The following DNER variants were observed in gnomAD, a reference collection of about 807,000 sequenced individuals.
DNER encodes the protein delta/notch like EGF repeat containing.
In DNER, 33 loss-of-function variants were observed where a neutral mutation model predicts 78.2. The observed-to-expected ratio is 0.42, with a 90% CI of 0.32 to 0.56. DNER has a LOEUF of 0.56. Among genes scored for constraint, DNER ranks in the 20% least tolerant of loss-of-function variants. DNER has a pLI of 0.11. For synonymous variants in DNER, 417 were observed against 384.8 expected, an observed-to-expected ratio of 1.08 and a Z score of -0.98; for missense variants, 918 against 975.3, an observed-to-expected ratio of 0.94 and a Z score of 0.78.
chr2:229,605,680 A>T (rs916079238), intron 1 of DNER, among the ~76,000 whole-genome samples: 1 of 151,886 alleles, frequency 6.6e-6, no homozygotes, highest in Admixed American at 6.6e-5. Context: ...TAAAGATTAT[A>T]GACACCATAA....
At chr2:229,480,880 A>G (rs1173193065) in intron 6 of DNER, among the ~76,000 whole-genome samples, 1 of 152,242 alleles carries the variant, frequency 6.6e-6, no homozygotes, top group Non-Finnish European at 1.5e-5. Context: ...GAAAAAGATT[A>G]TGTGTAATGC....
intron 7 of DNER, among the ~76,000 whole-genome samples, chr2:229,459,240 AAATC>A (rs921927693): frequency 6.6e-6 from 1 of 152,262 alleles, no homozygotes; most frequent in Non-Finnish European, 1.5e-5. Flanking sequence ...GTTTATAACT[AAATC>A]AAATTCTAAT....
intron 7 of DNER, among the ~76,000 whole-genome samples, chr2:229,467,325 T>A (rs985115866): frequency 1.2e-4 from 19 of 152,194 alleles, no homozygotes; most frequent in African/African-American, 4.6e-4. Context: ...CTGCCTTTTA[T>A]CATTATGGTA....
intron 10 of DNER, among the ~76,000 whole-genome samples, chr2:229,398,086 A>G (rs1003250981): frequency 5.3e-5 from 8 of 152,160 alleles, no homozygotes; most frequent in African/African-American, 1.9e-4. Flanking sequence ...ACAAAAAGCT[A>G]TTTATTAAAA....
At chr2:229,416,913 GA>G (rs1693665355) in intron 9 of DNER, among the ~76,000 whole-genome samples, 1 of 152,154 alleles carries the variant, frequency 6.6e-6, no homozygotes, top group South Asian at 2.1e-4. Flanking sequence ...AGAAATCCAT[GA>G]AAATATTTAT....
chr2:229,435,298 C>G (rs1400766098), intron 8 of DNER, among the ~76,000 whole-genome samples: 1 of 152,172 alleles, frequency 6.6e-6, no homozygotes, highest in Non-Finnish European at 1.5e-5. Flanking sequence ...AGGGGTCATC[C>G]AGGACCCGGC....
rs183927789 is a variant in DNER, at chr2:229,417,263, G to C, written c.1609+845C>G. 3.0e-4 allele frequency among the ~76,000 whole-genome samples: 46 copies of C among 152,338 alleles called. 1 individual carries two copies. Among genetic ancestry groups the C allele is most frequent in the Admixed American group, 3.0e-3 (46 of 15,306 alleles). On this transcript the variant is annotated intron_variant, in intron 9 of 12. Transcript: ENST00000341772. Reference sequence around the variant, plus strand: ...AAAGAGAAGCAACGGTGAGGGCAATGCAAGGTCTCCAGCCAGGTGGATGGC... The same window carrying C: ...AAAGAGAAGCAACGGTGAGGGCAATCCAAGGTCTCCAGCCAGGTGGATGGC...
intron 6 of DNER, among the ~76,000 whole-genome samples, chr2:229,494,636 G>T (rs1195429612): frequency 6.6e-6 from 1 of 152,216 alleles, no homozygotes; most frequent in Non-Finnish European, 1.5e-5. Context: ...AATCTGGGAG[G>T]CTGTCATACC....
intron 1 of DNER, among the ~76,000 whole-genome samples, chr2:229,597,989 G>T (rs1051446310): frequency 1.3e-5 from 2 of 152,132 alleles, no homozygotes; most frequent in South Asian, 4.1e-4. Context: ...TGACCCTTTA[G>T]CCATGGCCTG....
chr2:229,545,119 G>A (rs1348725619), intron 5 of DNER, among the ~76,000 whole-genome samples: 2 of 152,196 alleles, frequency 1.3e-5, no homozygotes, highest in African/African-American at 4.8e-5. Context: ...AGAAATATGT[G>A]TATAACTAGA....
intron 7 of DNER, among the ~76,000 whole-genome samples, chr2:229,467,374 G>A (rs1694827525): frequency 2.0e-5 from 3 of 152,132 alleles, no homozygotes; most frequent in African/African-American, 7.2e-5. Context: ...GAAAAACAGA[G>A]TCAAAGAAGG....
intron 5 of DNER, among the ~76,000 whole-genome samples, chr2:229,529,992 G>A (rs10211521): frequency 0.026 from 3,879 of 151,020 alleles, 168 homozygotes; most frequent in African/African-American, 0.089. Context: ...ACAGAGTGAG[G>A]CCTCAAGTCT....
chr2:229,417,479 C>CA (rs1213825338), intron 9 of DNER, among the ~76,000 whole-genome samples: 1 of 152,034 alleles, frequency 6.6e-6, no homozygotes, highest in Admixed American at 6.6e-5. Context: ...TTGCCATCCA[C>CA]AAAACGTGGC....
chr2:229,482,017 C>T (rs1695170349), intron 6 of DNER, among the ~76,000 whole-genome samples: 1 of 152,226 alleles, frequency 6.6e-6, no homozygotes, highest in African/African-American at 2.4e-5. Context: ...GTGTGAATGT[C>T]ATTGACACTT....
Position 229,591,869 on chromosome 2 carries a change from G to C in DNER, c.296C>G (p.Ala99Gly), listed in dbSNP as rs141079374. The part of the protein sequence containing the change: ...ANCQLVADPC[A>G]SNPCHHGNCS... ...GTTGCCATGGTGACAAGGGTTGCTGGCACAAGGATCTGCAACAAGCTGAAA... is the reference window on the plus strand; with the variant it reads ...GTTGCCATGGTGACAAGGGTTGCTGCCACAAGGATCTGCAACAAGCTGAAA... Residue 99 changes from alanine to glycine, a missense_variant, in exon 2 of 13, where the codon GCC (alanine) becomes GGC (glycine). By Grantham distance (60) the Ala-to-Gly change is moderately conservative. Coordinates refer to ENST00000341772, the MANE Select transcript of DNER (RefSeq NM_139072.4). This position sits in a 1 kb window ranked among gnomAD's most constrained non-coding sequence, Gnocchi z 4.6. The C allele has an allele frequency of 3.9e-4, 626 of 1,595,094 alleles. 1 individual carries two copies. The African/African-American group carries it at 7.3e-3, about 19-fold the overall frequency.
chr2:229,582,976 A>C (rs1697430136), intron 4 of DNER, among the ~76,000 whole-genome samples: 1 of 152,204 alleles, frequency 6.6e-6, no homozygotes, highest in South Asian at 2.1e-4. Flanking sequence ...CCCATAAGGA[A>C]TAATACGTTT....
At chr2:229,362,572 T>C (rs1283038044) in intron 12 of DNER, among the ~76,000 whole-genome samples, 2 of 152,214 alleles carry the variant, frequency 1.3e-5, no homozygotes, top group African/African-American at 2.4e-5. Flanking sequence ...CTTGTGTAAA[T>C]TGTATTATCT....
intron 10 of DNER, among the ~76,000 whole-genome samples, chr2:229,392,171 G>C (rs887324712): frequency 2.0e-5 from 3 of 151,622 alleles, no homozygotes; most frequent in African/African-American, 7.3e-5. Flanking sequence ...TCAAGATAAA[G>C]TGAGTTTTAA....
chr2:229,568,421 G>C (rs896439110), intron 4 of DNER, among the ~76,000 whole-genome samples: 1 of 152,168 alleles, frequency 6.6e-6, no homozygotes, highest in Non-Finnish European at 1.5e-5. Context: ...ATAGGAGAGA[G>C]ACCTGACTCC....
Sources: allele counts gnomAD v4.1 joint callset (sites outside exome capture counted in the v4.1 genomes callset), GRCh38; gene constraint gnomAD v4.1.1; non-coding constraint Gnocchi (gnomAD v3.1); transcripts MANE v1.5; gene names NCBI Gene and HGNC (gene_info 2026-07-23, HGNC 2026-07-21).